Variants in ERP44 observed in about 807,000 individuals in gnomAD.
ERP44 encodes the protein endoplasmic reticulum protein 44.
ERP44 carries 25 observed loss-of-function variants against 53.4 expected under a neutral mutation model. That is an observed-to-expected ratio of 0.47 (90% CI 0.34 to 0.65). ERP44 has a LOEUF of 0.65. Among genes scored for constraint, ERP44 ranks in the 30% least tolerant of loss-of-function variants. The pLI is 0.01. For synonymous variants in ERP44, 145 were observed against 161.2 expected (o/e 0.90, Z 0.76); for missense variants, 338 against 493.2 (o/e 0.69, Z 2.98).
chr9:100,019,181 C>T (rs1367297243), intron 6 of ERP44, among the ~76,000 whole-genome samples: 1 of 152,182 alleles, frequency 6.6e-6, no homozygotes, highest in Non-Finnish European at 1.5e-5. Context: ...CAAGGACTTT[C>T]TGATGAGATG....
chr9:100,060,449 T>A (rs1453002221), intron 1 of ERP44, among the ~76,000 whole-genome samples: 1 of 152,206 alleles, frequency 6.6e-6, no homozygotes, highest in Admixed American at 6.5e-5. Flanking sequence ...AATATACATA[T>A]CTTTTCAAAT....
chr9:100,032,614 T>C (rs1405733708), intron 4 of ERP44, among the ~76,000 whole-genome samples: 1 of 152,226 alleles, frequency 6.6e-6, no homozygotes, highest in Non-Finnish European at 1.5e-5. Flanking sequence ...ACTTAGTCTA[T>C]GTTATTAATA....
At position 100,063,075 on chromosome 9, in the gene ERP44, C is replaced by CAAAAAAAAAAAAAA. The variant is rs58004954; in HGVS notation, c.58-2917_58-2904dup. 2.9e-3 allele frequency among the ~76,000 whole-genome samples: 115 copies of CAAAAAAAAAAAAAA among 40,034 alleles called. 30 individuals carry two copies. The highest frequency in any genetic ancestry group is 6.1e-3 in the African/African-American group (56 of 9,238). 26.3% of individuals were successfully genotyped at this position (40,034 alleles called of 152,430 possible). On this transcript the variant is annotated intron_variant, in intron 1 of 11. Transcript: ENST00000262455. ...GATGACAGAACAGGACCCTGTCTCA[C>CAAAAAAAAAAAAAA]AAAAAAAAAAAAAAAAAAGAGAGAG... is the stretch of plus-strand genomic sequence containing the variant.
intron 1 of ERP44, among the ~76,000 whole-genome samples, chr9:100,068,646 G>A (rs371000358): frequency 5.5e-4 from 80 of 146,764 alleles, no homozygotes; most frequent in South Asian, 1.7e-3. Flanking sequence ...CCGGCCAGCC[G>A]CCCCGTCCGG....
chr9:100,017,380 C>A (rs961816348), intron 7 of ERP44, among the ~76,000 whole-genome samples: 1 of 152,140 alleles, frequency 6.6e-6, no homozygotes, highest in African/African-American at 2.4e-5. Flanking sequence ...GACATTCAAA[C>A]CCAGTCTGAT....
Position 99,981,249 on chromosome 9 carries a change from CTT to C in ERP44, c.*1361_*1362del, listed in dbSNP as rs1830145578. The C allele has an allele frequency of 6.6e-6, 1 of 152,204 alleles. No individual in the cohort carries two copies. The highest frequency in any genetic ancestry group is 1.5e-5 in the Non-Finnish European group (1 of 68,026). The allele number at this position is 152,204 out of a possible 1,614,324, so 9.4% of individuals were successfully genotyped here. ...ATTATTTTGAATAAAACTATGGAAACTTTGGATAAATCATGCATAACGAGGAA... is the reference window on the plus strand; with the variant it reads ...ATTATTTTGAATAAAACTATGGAAACTGGATAAATCATGCATAACGAGGAA... On this transcript the variant is annotated 3_prime_UTR_variant, in exon 12 of 12. Coordinates refer to ENST00000262455, the MANE Select transcript of ERP44 (RefSeq NM_015051.3).
At chr9:100,078,931 A>C (rs1226942976) in intron 1 of ERP44, among the ~76,000 whole-genome samples, 2 of 152,216 alleles carry the variant, frequency 1.3e-5, no homozygotes, top group African/African-American at 4.8e-5. Context: ...TATGTTAGGC[A>C]TAATTATGAC....
At chr9:100,092,351 A>G (rs1826568294) in intron 1 of ERP44, among the ~76,000 whole-genome samples, 1 of 152,254 alleles carries the variant, frequency 6.6e-6, no homozygotes, top group Non-Finnish European at 1.5e-5. Flanking sequence ...CAATCAAATA[A>G]TAAGTCTATA....
chr9:99,982,713 G>T lies in ERP44; in HGVS notation c.1120C>A (p.Gln374Lys). Reference protein sequence around the residue: ...PDPTDTAPGEQAQDVASSPPE... With the variant: ...PDPTDTAPGEKAQDVASSPPE... The stretch of plus-strand genomic sequence containing the variant: ...GGACTGCTTGCTACATCTTGGGCTT[G>T]CTACAAAAGAAAGAATAAAACATTT... The change falls in exon 12 of 12, where the codon CAA (glutamine) becomes AAA (lysine). Residue 374 changes from glutamine (Q) to lysine (K), a missense_variant and splice_region_variant. This residue lies in a region of ERP44 where 113 missense variants were observed against 172.6 expected (regional missense o/e 0.65). Transcript: ENST00000262455. 1 of 1,587,490 alleles carries T rather than the reference G, an allele frequency of 6.3e-7. No individual in the cohort carries two copies. Among genetic ancestry groups the T allele is most frequent in the Non-Finnish European group, 8.5e-7 (1 of 1,169,806 alleles).
chr9:100,013,529 C>T lies in ERP44; in HGVS notation c.762+2793G>A, dbSNP rs141865990. ...TTTCTTCTACGACCATCTGTCTTTC[C>T]GGAAAAGGCAACTGATAGTGCTCAA... is the stretch of plus-strand genomic sequence containing the variant. On this transcript the variant is annotated intron_variant, in intron 8 of 11. Coordinates refer to ENST00000262455, the MANE Select transcript of ERP44 (RefSeq NM_015051.3). 3.6e-4 allele frequency among the ~76,000 whole-genome samples: 54 copies of T among 152,096 alleles called. No individual in the cohort carries two copies. The East Asian group carries it at 9.3e-3, about 26-fold the overall frequency.
intron 3 of ERP44, 88 bp from the exon 4 acceptor site, chr9:100,052,620 G>T: frequency 3.2e-6 from 2 of 626,512 alleles, no homozygotes; most frequent in Non-Finnish European, 5.5e-6. Context: ...ATTTGATATA[G>T]GCATAATAAA....
At chr9:100,012,485 A>T (rs1830484833) in intron 8 of ERP44, among the ~76,000 whole-genome samples, 1 of 152,162 alleles carries the variant, frequency 6.6e-6, no homozygotes, top group Admixed American at 6.5e-5. Context: ...ACACTCAGCA[A>T]AGAGCCAATG....
Position 99,990,776 on chromosome 9 carries a change from C to T in ERP44, c.1017-5707G>A, listed in dbSNP as rs1157996162. Among the ~76,000 whole-genome samples, 17 of 152,020 alleles carry T rather than the reference C, an allele frequency of 1.1e-4. 1 individual carries two copies. The East Asian group carries it at 1.9e-3, about 17-fold the overall frequency. The stretch of plus-strand genomic sequence containing the variant: ...TGCTGTATTCAGGAGACCCATCTCA[C>T]GTGCAGAGACACACATAGGCTCAAA... On this transcript the variant is annotated intron_variant, in intron 10 of 11. Coordinates refer to ENST00000262455, the MANE Select transcript of ERP44 (RefSeq NM_015051.3).
At chr9:100,087,457 G>GTCAT in intron 1 of ERP44, among the ~76,000 whole-genome samples, 1 of 152,282 alleles carries the variant, frequency 6.6e-6, no homozygotes. Flanking sequence ...TATCTATTTA[G>GTCAT]TCATTCATTC....
chr9:100,036,416 T>C (rs905564787), intron 4 of ERP44, among the ~76,000 whole-genome samples: 11 of 152,176 alleles, frequency 7.2e-5, no homozygotes, highest in Non-Finnish European at 1.5e-4. Context: ...TACTGCATGT[T>C]CTCACTTTTA....
intron 11 of ERP44, among the ~76,000 whole-genome samples, chr9:99,983,971 C>A (rs1457771712): frequency 6.6e-6 from 1 of 152,180 alleles, no homozygotes; most frequent in African/African-American, 2.4e-5. Context: ...TAAATGACAT[C>A]TTTTCCTAAT....
chr9:100,016,181 C>T (rs1163968961), intron 8 of ERP44, 141 bp downstream of exon 8: 1 of 1,299,190 alleles, frequency 7.7e-7, no homozygotes, highest in Non-Finnish European at 1.0e-6. Context: ...GTGTATATTA[C>T]AGAAACAGCT....
At chr9:100,009,114 C>G (rs926130846) in intron 8 of ERP44, among the ~76,000 whole-genome samples, 6 of 152,052 alleles carry the variant, frequency 3.9e-5, no homozygotes, top group Non-Finnish European at 2.9e-5. Flanking sequence ...ACCACTAATT[C>G]TAGAGCTTTT....
At chr9:100,079,538 C>T (rs995086227) in intron 1 of ERP44, among the ~76,000 whole-genome samples, 1 of 151,912 alleles carries the variant, frequency 6.6e-6, no homozygotes. Flanking sequence ...TGACCCTCTT[C>T]TTAACAGGAC....
Sources: gnomAD v4.1 joint callset for allele counts (sites outside exome capture counted in the v4.1 genomes callset) on GRCh38, gnomAD v4.1.1 for gene constraint, gnomAD v4.1.1 regional missense constraint, MANE v1.5 for transcripts, NCBI Gene and HGNC (gene_info 2026-07-23, HGNC 2026-07-21) for gene names.